The following PCDHA10 variants were observed in gnomAD, a reference collection of about 807,000 sequenced individuals.
The protein encoded by PCDHA10 is protocadherin alpha 10.
In PCDHA10, 45 loss-of-function variants were observed where a neutral mutation model predicts 61.2. The observed-to-expected ratio is 0.74, with a 90% CI of 0.58 to 0.94. PCDHA10 has a LOEUF of 0.94. PCDHA10 is among the 40% of genes least tolerant of loss of function. The probability of loss-of-function intolerance (pLI) is 0.00; values close to 1 mark genes in which losing one functional copy is unlikely to be tolerated. For missense variants in PCDHA10, 1,278 were observed against 1,236.2 expected, an observed-to-expected ratio of 1.03 and a Z score of -0.51; for synonymous variants, 602 against 548.8, an observed-to-expected ratio of 1.10 and a Z score of -1.35.
chr5:140,885,152 T>C (rs1182560213), intron 1 of PCDHA10, among the ~76,000 whole-genome samples: 1 of 152,206 alleles, frequency 6.6e-6, no homozygotes, highest in African/African-American at 2.4e-5. Context: ...CTGTTTTGAT[T>C]GTCTCTACTT....
chr5:140,884,308 G>T, intron 1 of PCDHA10: 1 of 1,613,766 alleles, frequency 6.2e-7, no homozygotes. Flanking sequence ...AGGCTTCGTC[G>T]AGGGCGTCGG....
chr5:140,930,997 A>G (rs1355351475), intron 1 of PCDHA10, among the ~76,000 whole-genome samples: 3 of 152,198 alleles, frequency 2.0e-5, no homozygotes, highest in Admixed American at 1.3e-4. Context: ...GACCTACACT[A>G]ATAACATAAC....
chr5:141,010,107 C>T lies in PCDHA10; in HGVS notation c.*170C>T, dbSNP rs1457376249. On this transcript the variant is annotated 3_prime_UTR_variant, in exon 4 of 4. Coordinates refer to ENST00000307360, the MANE Select transcript of PCDHA10 (RefSeq NM_018901.4). ...CTAGAACGCATTTAACAGGTTTTGT[C>T]GTAAAAGCTTTACTAAGTCTGGTGT... 8.1e-6 allele frequency: 13 copies of T among 1,611,484 alleles called. No individual in the cohort carries two copies. Among genetic ancestry groups the T allele is most frequent in the South Asian group, 4.4e-5 (4 of 90,776 alleles).
intron 1 of PCDHA10, among the ~76,000 whole-genome samples, chr5:140,957,527 T>C (rs1441282290): frequency 6.6e-6 from 1 of 152,138 alleles, no homozygotes; most frequent in African/African-American, 2.4e-5. Context: ...AGACATTCAG[T>C]GGGGATCTTA....
chr5:140,866,355 C>T (rs1031469942), intron 1 of PCDHA10: 16 of 152,086 alleles, frequency 1.1e-4, no homozygotes, highest in African/African-American at 3.6e-4. Flanking sequence ...GAAATGTTTA[C>T]AATATTGCAT....
At chr5:140,876,509 A>G (rs782112140) in intron 1 of PCDHA10, 2 of 1,614,020 alleles carry the variant, frequency 1.2e-6, no homozygotes, top group South Asian at 2.2e-5. Flanking sequence ...GTGAATGACA[A>G]TGTCCCTGAA....
intron 1 of PCDHA10, among the ~76,000 whole-genome samples, chr5:140,961,780 C>T (rs1192795559): frequency 6.6e-6 from 1 of 152,052 alleles, no homozygotes; most frequent in African/African-American, 2.4e-5. Flanking sequence ...AGCTTAATGG[C>T]ACTTTTTAAA....
rs1215327894 is a variant in PCDHA10 at position 140,868,871 on chromosome 5, A to T, written c.2388+10435A>T. On this transcript the variant is annotated intron_variant, in intron 1 of 3. Transcript: ENST00000307360. ...TTCTGTGGTGGTAAATGCAGTGCAC[A>T]GTACTCACAGTTTTAGGCGCAAGGT... 4.8e-6 allele frequency: 3 copies of T among 625,152 alleles called. No homozygotes were observed. In the Admixed American group the frequency reaches 9.8e-5, roughly 20 times the overall value. 38.7% of individuals were successfully genotyped at this position (625,152 alleles called of 1,614,324 possible).
chr5:140,877,730 A>G (rs782465464), intron 1 of PCDHA10: 1 of 1,614,146 alleles, frequency 6.2e-7, no homozygotes, highest in Non-Finnish European at 8.5e-7. Flanking sequence ...TACTCGCAGC[A>G]GAGGAGGCAG....
At chr5:140,858,769 A>T in intron 1 of PCDHA10, 1 of 441,686 alleles carries the variant, frequency 2.3e-6, no homozygotes, top group Non-Finnish European at 4.1e-6. Flanking sequence ...TATTTGTGAG[A>T]TTAGTACTTC....
At chr5:140,869,986 G>T (rs781968863) in intron 1 of PCDHA10, 4 of 1,613,322 alleles carry the variant, frequency 2.5e-6, no homozygotes, top group Admixed American at 1.7e-5. Context: ...ATTTACACTA[G>T]ATCAAAATAA....
At chr5:140,940,194 G>T (rs1455968152) in intron 1 of PCDHA10, among the ~76,000 whole-genome samples, 4 of 152,118 alleles carry the variant, frequency 2.6e-5, no homozygotes, top group East Asian at 1.9e-4. Context: ...TTTTACATGG[G>T]TGTAAAATTC....
intron 1 of PCDHA10, chr5:140,927,559 G>C: frequency 6.2e-7 from 1 of 1,614,170 alleles, no homozygotes; most frequent in Non-Finnish European, 8.5e-7. Flanking sequence ...CACCATCATT[G>C]TGGTGGACAC....
chr5:140,940,825 G>A (rs782539336), intron 1 of PCDHA10, among the ~76,000 whole-genome samples: 53 of 152,232 alleles, frequency 3.5e-4, no homozygotes, highest in South Asian at 6.2e-4. Context: ...ATCTTGGATG[G>A]AAATACCTTT....
At chr5:140,869,521 C>T (rs782236624) in intron 1 of PCDHA10, 4 of 1,614,064 alleles carry the variant, frequency 2.5e-6, no homozygotes, top group Non-Finnish European at 2.5e-6. Flanking sequence ...AGAACAAAAG[C>T]TGCTGATTGC....
At chr5:140,900,425 G>T (rs577250354) in intron 1 of PCDHA10, among the ~76,000 whole-genome samples, 1 of 152,236 alleles carries the variant, frequency 6.6e-6, no homozygotes, top group African/African-American at 2.4e-5. Context: ...TTATAGGCAC[G>T]TGCCACCACG....
chr5:140,954,652 T>C (rs541171307), intron 1 of PCDHA10, among the ~76,000 whole-genome samples: 24 of 152,356 alleles, frequency 1.6e-4, no homozygotes, highest in African/African-American at 5.8e-4. Flanking sequence ...TTTAAGTTCC[T>C]TGTAGACTCT....
intron 1 of PCDHA10, among the ~76,000 whole-genome samples, chr5:140,932,571 A>G (rs1308740705): frequency 1.3e-5 from 2 of 151,926 alleles, no homozygotes; most frequent in African/African-American, 4.8e-5. Context: ...AGACTTTCCC[A>G]TAGGGTAATT....
chr5:140,991,066 C>T (rs2097429810), intron 3 of PCDHA10, among the ~76,000 whole-genome samples: 2 of 152,122 alleles, frequency 1.3e-5, no homozygotes, highest in Non-Finnish European at 2.9e-5. Context: ...TTATTATTCC[C>T]ATGTTTCAGA....
Sources: gnomAD v4.1 joint callset for allele counts (sites outside exome capture counted in the v4.1 genomes callset) on GRCh38, gnomAD v4.1.1 for gene constraint, MANE v1.5 for transcripts, NCBI Gene and HGNC (gene_info 2026-07-23, HGNC 2026-07-21) for gene names.